Variants in LRFN2 observed in about 807,000 individuals in gnomAD.
LRFN2 encodes the protein leucine-rich repeat and fibronectin type-III domain-containing protein 2.
LRFN2 carries 18 observed loss-of-function variants against 37.3 expected under a neutral mutation model. The observed-to-expected ratio is 0.48, with a 90% CI of 0.33 to 0.72. The LOEUF (loss-of-function observed/expected upper bound fraction) is 0.72, where lower values mean the gene tolerates loss of function less well. Ranked by LOEUF, LRFN2 falls within the 30% of genes least tolerant of loss-of-function variation. The pLI, the probability that LRFN2 is intolerant of heterozygous loss-of-function variation, is 0.02. For missense variants in LRFN2, 1,006 were observed against 1,060.7 expected (o/e 0.95, Z 0.72); for synonymous variants, 556 against 466.6 (o/e 1.19, Z -2.47).
At chr6:40,424,155 G>A (rs1763292801) in intron 2 of LRFN2, among the ~76,000 whole-genome samples, 1 of 152,150 alleles carries the variant, frequency 6.6e-6, no homozygotes, top group South Asian at 2.1e-4. Flanking sequence ...CTTGCCCATT[G>A]ATTACCTGGA....
At chr6:40,554,853 C>T (rs980665180) in intron 1 of LRFN2, among the ~76,000 whole-genome samples, 2 of 152,164 alleles carry the variant, frequency 1.3e-5, no homozygotes, top group Admixed American at 6.5e-5. Flanking sequence ...TTAAAAGTCA[C>T]CTCTCAGTAA....
chr6:40,533,829 G>T (rs1240158572), intron 1 of LRFN2, among the ~76,000 whole-genome samples: 1 of 152,166 alleles, frequency 6.6e-6, no homozygotes, highest in East Asian at 1.9e-4. Flanking sequence ...GAGAGGGAAG[G>T]TCTCTACCTG....
At chr6:40,400,421 CTTT>C (rs34460828) in intron 2 of LRFN2, among the ~76,000 whole-genome samples, 2 of 128,646 alleles carry the variant, frequency 1.6e-5, no homozygotes, top group East Asian at 2.2e-4. Flanking sequence ...GGTACTTTTC[CTTT>C]TTTTTTTTTT....
At chr6:40,536,355 T>C (rs1036818506) in intron 1 of LRFN2, among the ~76,000 whole-genome samples, 4 of 152,136 alleles carry the variant, frequency 2.6e-5, no homozygotes, top group African/African-American at 9.7e-5. Context: ...TCTAGGTACT[T>C]CTAGTCTGAG....
intron 1 of LRFN2, among the ~76,000 whole-genome samples, chr6:40,499,062 C>T (rs763280666): frequency 1.8e-4 from 27 of 152,140 alleles, no homozygotes; most frequent in Admixed American, 5.9e-4. Context: ...TTTTATGATG[C>T]CCCAGGTAGC....
intron 1 of LRFN2, among the ~76,000 whole-genome samples, chr6:40,540,634 C>T (rs1220429081): frequency 2.0e-5 from 3 of 152,178 alleles, no homozygotes; most frequent in Admixed American, 6.5e-5. Flanking sequence ...GCCGCAGTAT[C>T]GTTGAGAGCA....
At chr6:40,428,498 T>G (rs753005269) in intron 2 of LRFN2, among the ~76,000 whole-genome samples, 2 of 152,186 alleles carry the variant, frequency 1.3e-5, no homozygotes, top group Admixed American at 1.3e-4. Context: ...ACAATTCATT[T>G]TCTAAAAATC....
chr6:40,555,761 T>C (rs1255807436), intron 1 of LRFN2, among the ~76,000 whole-genome samples: 1 of 151,834 alleles, frequency 6.6e-6, no homozygotes, highest in African/African-American at 2.4e-5. Flanking sequence ...CCACACTGAG[T>C]AGATGAGATT....
chr6:40,486,263 C>A (rs992615411), intron 1 of LRFN2, among the ~76,000 whole-genome samples: 4 of 152,066 alleles, frequency 2.6e-5, no homozygotes, highest in Admixed American at 2.6e-4. Context: ...GATAGTGTGC[C>A]GTCCACAGAG....
intron 1 of LRFN2, among the ~76,000 whole-genome samples, chr6:40,562,438 G>A (rs916163084): frequency 5.3e-5 from 8 of 151,980 alleles, no homozygotes; most frequent in African/African-American, 1.9e-4. Context: ...GGTACAGGGG[G>A]AGGGCAGGGC....
intron 1 of LRFN2, among the ~76,000 whole-genome samples, chr6:40,459,819 C>T (rs1186891719): frequency 6.6e-6 from 1 of 152,198 alleles, no homozygotes; most frequent in Non-Finnish European, 1.5e-5. Context: ...TAATCTTTGT[C>T]TCTGGCTAGG....
intron 1 of LRFN2, among the ~76,000 whole-genome samples, chr6:40,583,649 C>G (rs896529116): frequency 2.6e-5 from 4 of 152,162 alleles, no homozygotes; most frequent in Non-Finnish European, 4.4e-5. Flanking sequence ...TTCCAACAAC[C>G]CTGGGGGATG....
rs565540619 is a variant in LRFN2, at chr6:40,457,323, G to A, written c.-18-24192C>T. ...AGCTGCTTACTCTGGAAGAAAGCCCGTCATTCCACAAGGAAGTTTGGGGGA... is the reference window on the plus strand; with the variant it reads ...AGCTGCTTACTCTGGAAGAAAGCCCATCATTCCACAAGGAAGTTTGGGGGA... On this transcript the variant is annotated intron_variant, in intron 1 of 2. Transcript: ENST00000338305. Among the ~76,000 whole-genome samples the A allele has an allele frequency of 3.1e-4, 47 of 152,104 alleles. No homozygotes were observed. In the South Asian group the frequency reaches 4.8e-3, roughly 15 times the overall value.
intron 1 of LRFN2, among the ~76,000 whole-genome samples, chr6:40,569,150 C>T (rs914720450): frequency 6.6e-6 from 1 of 152,164 alleles, no homozygotes; most frequent in African/African-American, 2.4e-5. Flanking sequence ...GCTTGGTAGC[C>T]AGGGAGCTGG....
At chr6:40,507,337 G>A (rs1267203396) in intron 1 of LRFN2, among the ~76,000 whole-genome samples, 1 of 152,124 alleles carries the variant, frequency 6.6e-6, no homozygotes, top group African/African-American at 2.4e-5. Flanking sequence ...ACACAGATGG[G>A]GTTTTGATTA....
At chr6:40,556,716 G>C (rs1273309514) in intron 1 of LRFN2, among the ~76,000 whole-genome samples, 16 of 120,850 alleles carry the variant, frequency 1.3e-4, no homozygotes, top group South Asian at 2.9e-4. Flanking sequence ...TACCTACATA[G>C]ACACACACAC....
At chr6:40,439,952 C>T (rs574735688) in intron 1 of LRFN2, among the ~76,000 whole-genome samples, 1 of 152,172 alleles carries the variant, frequency 6.6e-6, no homozygotes, top group South Asian at 2.1e-4. Flanking sequence ...CTGAGTGAGC[C>T]TCCTGCTCTC....
chr6:40,481,941 G>A (rs188230987), intron 1 of LRFN2, among the ~76,000 whole-genome samples: 6 of 152,266 alleles, frequency 3.9e-5, no homozygotes, highest in Middle Eastern at 3.4e-3. Context: ...ATGTTCACTC[G>A]TCTAATCCTT....
chr6:40,397,633 G>T (rs888847211), intron 2 of LRFN2, among the ~76,000 whole-genome samples: 1 of 152,208 alleles, frequency 6.6e-6, no homozygotes, highest in Non-Finnish European at 1.5e-5. Flanking sequence ...TGCCCAGGTA[G>T]GAAAACACTG....
Sources: gnomAD v4.1 joint callset for allele counts (sites outside exome capture counted in the v4.1 genomes callset) on GRCh38, gnomAD v4.1.1 for gene constraint, MANE v1.5 for transcripts, NCBI Gene and HGNC (gene_info 2026-07-23, HGNC 2026-07-21) for gene names.